PPP2R2B: variants seen among roughly 807,000 people sequenced by gnomAD.
PPP2R2B encodes the protein serine/threonine-protein phosphatase 2A 55 kDa regulatory subunit B beta isoform.
PPP2R2B carries 5 observed loss-of-function variants against 46.0 expected under a neutral mutation model. The observed-to-expected ratio is 0.11, with a 90% confidence interval of 0.06 to 0.23. PPP2R2B has a LOEUF of 0.23. PPP2R2B is among the 10% of genes least tolerant of loss of function. The probability of loss-of-function intolerance (pLI) is 1.00; values close to 1 mark genes in which losing one functional copy is unlikely to be tolerated. For synonymous variants in PPP2R2B, 215 were observed against 206.7 expected (o/e 1.04, Z -0.34); for missense variants, 367 against 575.0 (o/e 0.64, Z 3.70).
chr5:146,649,780 T>C (rs1581790790), intron 6 of PPP2R2B, among the ~76,000 whole-genome samples: 1 of 152,158 alleles, frequency 6.6e-6, no homozygotes, highest in Non-Finnish European at 1.5e-5. Flanking sequence ...AAACAGGAGA[T>C]AATGATACTT....
intron 8 of PPP2R2B, among the ~76,000 whole-genome samples, chr5:146,597,164 C>T (rs1771254704): frequency 6.6e-6 from 1 of 152,320 alleles, no homozygotes; most frequent in South Asian, 2.1e-4. Flanking sequence ...TAATCCTCAT[C>T]CCTTGAAGCA....
At chr5:147,077,515 G>A (rs62377633) in intron 2 of PPP2R2B, among the ~76,000 whole-genome samples, 5,367 of 152,124 alleles carry the variant, frequency 0.035, 179 homozygotes, top group East Asian at 0.16. Flanking sequence ...GACTTTGAGC[G>A]TATAGAAAAT....
In PPP2R2B at chr5:146,895,564, C is replaced by T. The variant is rs1423035481; in HGVS notation, c.79+160101G>A. 7.2e-5 allele frequency among the ~76,000 whole-genome samples: 11 copies of T among 152,154 alleles called. No homozygotes were observed. In the South Asian group the frequency reaches 1.0e-3, roughly 14 times the overall value. On this transcript the variant is annotated intron_variant, in intron 1 of 8. Coordinates refer to the PPP2R2B transcript ENST00000336640. Reference sequence around the variant, plus strand: ...AGCAGTTTTTTGTTTGTTTCATCACCGTGTACATGCATAGTAGGGTTCAGT... The same window carrying T: ...AGCAGTTTTTTGTTTGTTTCATCACTGTGTACATGCATAGTAGGGTTCAGT...
chr5:146,777,070 C>A (rs1755229697), intron 2 of PPP2R2B, among the ~76,000 whole-genome samples: 1 of 152,008 alleles, frequency 6.6e-6, no homozygotes, highest in Non-Finnish European at 1.5e-5. Flanking sequence ...CAGCTTCCAT[C>A]CTCAAAAAGT....
intron 5 of PPP2R2B, among the ~76,000 whole-genome samples, chr5:146,681,397 C>T (rs1437687969): frequency 1.3e-5 from 2 of 152,178 alleles, no homozygotes; most frequent in Admixed American, 6.5e-5. Flanking sequence ...TGCCTGCACG[C>T]ACCCACACAT....
intron 2 of PPP2R2B, among the ~76,000 whole-genome samples, chr5:146,714,380 A>G (rs1780374327): frequency 6.6e-6 from 1 of 151,994 alleles, no homozygotes; most frequent in Non-Finnish European, 1.5e-5. Context: ...ACTATGTACA[A>G]CTCCTTGAAG....
chr5:146,976,750 G>A (rs1368595159), intron 1 of PPP2R2B, among the ~76,000 whole-genome samples: 1 of 151,972 alleles, frequency 6.6e-6, no homozygotes, highest in East Asian at 1.9e-4. Flanking sequence ...TTCTGAGTAA[G>A]CAGGCAAATG....
chr5:146,943,033 G>C (rs968564824), intron 1 of PPP2R2B, among the ~76,000 whole-genome samples: 2 of 152,090 alleles, frequency 1.3e-5, no homozygotes, highest in Non-Finnish European at 2.9e-5. Context: ...TCCTGAACTC[G>C]TGATCCGCCC....
chr5:146,878,597 G>A lies in PPP2R2B; in HGVS notation c.-131C>T, dbSNP rs560416805. On this transcript the variant is annotated 5_prime_UTR_variant, in exon 1 of 10. Coordinates refer to ENST00000394411, the MANE Select transcript of PPP2R2B (RefSeq NM_181675.4). This position sits in a 1 kb window ranked among gnomAD's most constrained non-coding sequence, Gnocchi z 4.5. ...GGACAGGATTCAGGCTTGCCTGGCC[G>A]GAATGAGGGTGCTGGTCCCACGGGA... 4.9e-6 allele frequency: 6 copies of A among 1,232,068 alleles called. No individual in the cohort carries two copies. The Admixed American group carries it at 1.3e-4, about 27-fold the overall frequency. 76.3% of individuals were successfully genotyped at this position (1,232,068 alleles called of 1,614,324 possible).
intron 2 of PPP2R2B, among the ~76,000 whole-genome samples, chr5:146,854,083 A>G (rs1452791630): frequency 1.3e-5 from 2 of 152,122 alleles, no homozygotes; most frequent in Non-Finnish European, 2.9e-5. Context: ...CACCGAGTAC[A>G]GCACCAGACA....
chr5:146,691,264 T>G, intron 4 of PPP2R2B, 24 bp from the exon 5 acceptor site: 1 of 1,600,960 alleles, frequency 6.2e-7, no homozygotes, highest in Admixed American at 1.7e-5. Context: ...CCAGATTAAG[T>G]CAGAATTATA....
intron 1 of PPP2R2B, among the ~76,000 whole-genome samples, chr5:147,029,803 G>C (rs1192551169): frequency 6.6e-6 from 1 of 152,156 alleles, no homozygotes; most frequent in African/African-American, 2.4e-5. Flanking sequence ...AAGCCAAGAA[G>C]AGAGGCTTCA....
chr5:147,078,929 T>C (rs1449021055), intron 2 of PPP2R2B, among the ~76,000 whole-genome samples: 1 of 152,146 alleles, frequency 6.6e-6, no homozygotes, highest in Non-Finnish European at 1.5e-5. Flanking sequence ...ATGGCCAAGA[T>C]TTAAAACAAG....
chr5:146,823,230 C>T (rs369173353), intron 2 of PPP2R2B, among the ~76,000 whole-genome samples: 1 of 151,968 alleles, frequency 6.6e-6, no homozygotes, highest in South Asian at 2.1e-4. Flanking sequence ...TGGAGTCTTG[C>T]TCTGTCGCCC....
At chr5:146,734,056 G>GT (rs201448902) in intron 2 of PPP2R2B, among the ~76,000 whole-genome samples, 5,358 of 142,500 alleles carry the variant, frequency 0.038, 99 homozygotes, top group Non-Finnish European at 0.055. Flanking sequence ...AATGAGTTAG[G>GT]TTTTTTTTTT....
intron 2 of PPP2R2B, among the ~76,000 whole-genome samples, chr5:146,744,574 A>G (rs927237900): frequency 1.3e-5 from 2 of 152,230 alleles, no homozygotes; most frequent in Non-Finnish European, 2.9e-5. Flanking sequence ...ATGTGTCACC[A>G]GGGAACCATC....
chr5:146,652,630 G>T (rs2151096654), intron 5 of PPP2R2B, among the ~76,000 whole-genome samples: 1 of 152,246 alleles, frequency 6.6e-6, no homozygotes, highest in Middle Eastern at 3.4e-3. Context: ...GTGTCTGAGG[G>T]ATGTGCAAAG....
At chr5:146,762,722 C>G (rs1292221521) in intron 2 of PPP2R2B, among the ~76,000 whole-genome samples, 1 of 152,174 alleles carries the variant, frequency 6.6e-6, no homozygotes, top group African/African-American at 2.4e-5. Flanking sequence ...ACCCAACCAT[C>G]ATGCTTAAGA....
At chr5:146,751,687 G>A (rs1030166946) in intron 2 of PPP2R2B, 7 of 152,218 alleles carry the variant, frequency 4.6e-5, no homozygotes, top group Admixed American at 3.9e-4. Context: ...GACACACATA[G>A]ATAATATCCT....
Sources: gnomAD v4.1 joint callset for allele counts (sites outside exome capture counted in the v4.1 genomes callset) on GRCh38, gnomAD v4.1.1 for gene constraint, Gnocchi (gnomAD v3.1) non-coding constraint, MANE v1.5 for transcripts, NCBI Gene and HGNC (gene_info 2026-07-23, HGNC 2026-07-21) for gene names.